ZSWIM4: variants seen among roughly 807,000 people sequenced by gnomAD.
ZSWIM4 encodes the protein zinc finger SWIM domain-containing protein 4.
ZSWIM4 carries 62 observed loss-of-function variants against 102.5 expected under a neutral mutation model. That is an observed-to-expected ratio of 0.60 (90% CI 0.49 to 0.75). The LOEUF (loss-of-function observed/expected upper bound fraction) is 0.75, where lower values mean the gene tolerates loss of function less well. Ranked by LOEUF, ZSWIM4 falls within the 30% of genes least tolerant of loss-of-function variation. The probability of loss-of-function intolerance (pLI) is 0.00; values close to 1 mark genes in which losing one functional copy is unlikely to be tolerated. For synonymous variants in ZSWIM4, 652 were observed against 674.5 expected, an observed-to-expected ratio of 0.97 and a Z score of 0.52; for missense variants, 1,280 against 1,529.6, an observed-to-expected ratio of 0.84 and a Z score of 2.72.
At chr19:13,824,734 AAATAATAATAATAATAATAATAAT>A (rs59668197) in intron 11 of ZSWIM4, among the ~76,000 whole-genome samples, 1 of 146,762 alleles carries the variant, frequency 6.8e-6, no homozygotes, top group Non-Finnish European at 1.5e-5. Context: ...CTCCATCTCA[AAATAATAATAATAATAATAATAAT>A]AATAATAATA....
intron 13 of ZSWIM4, among the ~76,000 whole-genome samples, chr19:13,829,450 A>G (rs1332965095): frequency 1.3e-5 from 2 of 151,806 alleles, no homozygotes; most frequent in Non-Finnish European, 2.9e-5. Flanking sequence ...AATTAGCCAG[A>G]TGTGGTGGCA....
intron 2 of ZSWIM4, among the ~76,000 whole-genome samples, chr19:13,802,752 A>G (rs2145264699): frequency 6.6e-6 from 1 of 152,006 alleles, no homozygotes; most frequent in South Asian, 2.1e-4. Flanking sequence ...CTAGTTTTTA[A>G]GTTTTTTGTA....
Position 13,814,481 on chromosome 19 carries a change from C to T in ZSWIM4, c.1181-34C>T, listed in dbSNP as rs1282640175. The T allele has an allele frequency of 1.4e-5, 16 of 1,115,362 alleles. No individual in the cohort carries two copies. In the East Asian group the frequency reaches 1.1e-3, roughly 77 times the overall value. The allele number at this position is 1,115,362 out of a possible 1,614,324, so 69.1% of individuals were successfully genotyped here. On this transcript the variant is annotated intron_variant, in intron 6 of 13. Transcript: ENST00000590508. ...ACGGCTCAACTGCTATAGGGACCCC[C>T]CCTCACTGAGCCATGTTGGGTGCCT...
intron 12 of ZSWIM4, among the ~76,000 whole-genome samples, chr19:13,827,299 A>G (rs1185255263): frequency 3.3e-5 from 5 of 151,682 alleles, no homozygotes; most frequent in African/African-American, 1.2e-4. Flanking sequence ...AAAAGAAAAA[A>G]ATAGAAAAGA....
At chr19:13,812,880 T>C in intron 5 of ZSWIM4, 117 bp from the exon 6 acceptor site, 1 of 1,178,208 alleles carries the variant, frequency 8.5e-7, no homozygotes, top group South Asian at 1.5e-5. Context: ...AGTTGCAACT[T>C]CCGAGGGTCG....
chr19:13,802,197 C>T (rs1353176277), intron 2 of ZSWIM4, among the ~76,000 whole-genome samples: 2 of 141,048 alleles, frequency 1.4e-5, no homozygotes, highest in African/African-American at 2.6e-5. Flanking sequence ...AGGATAGTCT[C>T]GATCTCCTGA....
chr19:13,812,951 C>A, intron 5 of ZSWIM4, 46 bp from the exon 6 acceptor site: 5 of 1,557,552 alleles, frequency 3.2e-6, no homozygotes, highest in Non-Finnish European at 3.5e-6. Flanking sequence ...GTGTGTGTTG[C>A]TGCCACTGTT....
rs1402193207 is a variant in ZSWIM4, at chr19:13,809,019, A to G, written c.861+35A>G. The G allele has an allele frequency of 1.9e-6, 3 of 1,607,438 alleles. No individual in the cohort carries two copies. The highest frequency in any genetic ancestry group is 2.6e-6 in the Non-Finnish European group (3 of 1,175,298). On this transcript the variant is annotated intron_variant, in intron 4 of 13. Transcript: ENST00000590508. This position sits in a 1 kb window ranked among gnomAD's most constrained non-coding sequence, Gnocchi z 4.2. ...GGGCCGGCGGGGCGCGGGGTGCAGA[A>G]GGCCCCGGCGGACGCCCCAGCCCTT...
Position 13,805,895 on chromosome 19 carries a change from C to G in ZSWIM4, c.712+747C>G, listed in dbSNP as rs548936326. Among the ~76,000 whole-genome samples, 46 of 149,216 alleles carry G rather than the reference C, an allele frequency of 3.1e-4. No homozygotes were observed. In the South Asian group the frequency reaches 9.6e-3, roughly 31 times the overall value. On this transcript the variant is annotated intron_variant, in intron 3 of 13. Transcript: ENST00000590508. ...CTGAGGTGGGAGAATGGGTTGAACC[C>G]GGGAGGCAGAGGTTGCAGTGAGCTG...
chr19:13,823,519 C>T lies in ZSWIM4; in HGVS notation c.2215+19C>T, dbSNP rs1435793505. On this transcript the variant is annotated intron_variant, in intron 11 of 13. Transcript: ENST00000590508. ...GCCAAGGGTGAGGCTGGCAGCTGTC[C>T]CGATTCCTTTGTCTTCCTCCTCTGT... 18 of 1,554,396 alleles carry T rather than the reference C, an allele frequency of 1.2e-5. No individual in the cohort carries two copies. Among genetic ancestry groups the T allele is most frequent in the Middle Eastern group, 1.7e-4 (1 of 6,004 alleles).
chr19:13,818,050 G>A, intron 9 of ZSWIM4, 74 bp downstream of exon 9: 1 of 1,423,432 alleles, frequency 7.0e-7, no homozygotes, highest in Non-Finnish European at 9.2e-7. Flanking sequence ...CGGCCCGGTT[G>A]CTGCCAGATG....
At position 13,799,759 on chromosome 19, in the gene ZSWIM4, A is replaced by C; in HGVS notation, c.193A>C (p.Lys65Gln). Residue 65 changes from lysine (K) to glutamine (Q), a missense_variant, in exon 2 of 14, where the codon AAG becomes CAG. Lys to Gln is a moderately conservative substitution (Grantham distance 53). Transcript: ENST00000590508. ...CTCCCGGGTGCCTGAGCCCGTCCAG[A>C]AGCGCATCGTGTTTTGGTCGTTTCC... is the stretch of plus-strand genomic sequence containing the variant. The part of the protein sequence containing the change: ...RFSRVPEPVQ[K>Q]RIVFWSFPRS... 1 of 1,613,970 alleles carries C rather than the reference A, an allele frequency of 6.2e-7. No homozygotes were observed.
At chr19:13,823,589 C>A in intron 11 of ZSWIM4, 89 bp downstream of exon 11, 1 of 1,453,856 alleles carries the variant, frequency 6.9e-7, no homozygotes, top group Non-Finnish European at 9.3e-7. Flanking sequence ...CTCCTCTTAT[C>A]CTTTCACAAA....
intron 10 of ZSWIM4, among the ~76,000 whole-genome samples, chr19:13,822,851 C>A (rs562407700): frequency 1.3e-5 from 2 of 152,156 alleles, no homozygotes; most frequent in Admixed American, 1.3e-4. Context: ...TGGTAGTACA[C>A]GCCTGTAATC....
At chr19:13,826,764 T>C (rs1013887110) in intron 12 of ZSWIM4, among the ~76,000 whole-genome samples, 1 of 151,380 alleles carries the variant, frequency 6.6e-6, no homozygotes, top group Non-Finnish European at 1.5e-5. Context: ...GACTCCGTCT[T>C]GGGGAAGAAA....
rs770290475 is a variant in ZSWIM4 at position 13,814,834 on chromosome 19, T to G, written c.1500T>G (p.His500Gln). ...ACACACTCCGGCTGCAGCAGCGGCATCAGCTAGAGAGCTACAAGCAGCAGA... is the reference window on the plus strand; with the variant it reads ...ACACACTCCGGCTGCAGCAGCGGCAGCAGCTAGAGAGCTACAAGCAGCAGA... ...IINTLRLQQR[H>Q]QLESYKQQKK... Residue 500 changes from histidine to glutamine, a missense_variant, in exon 7 of 14, where the codon CAT (histidine) becomes CAG (glutamine). Coordinates refer to ENST00000590508, the MANE Select transcript of ZSWIM4 (RefSeq NM_001367834.3). 3 of 1,267,618 alleles carry G rather than the reference T, an allele frequency of 2.4e-6. No homozygotes were observed. Among genetic ancestry groups the G allele is most frequent in the Non-Finnish European group, 3.1e-6 (3 of 971,534 alleles). 78.5% of individuals were successfully genotyped at this position (1,267,618 alleles called of 1,614,324 possible). A position where few individuals can be genotyped will look rare whatever the true frequency, so the allele number is the denominator to read the frequency against.
rs184009299 is a variant in ZSWIM4 at position 13,817,555 on chromosome 19, G to T, written c.1670-167G>T. Reference sequence around the variant, plus strand: ...TGAGGCCACCATAGGCCTAGCTGCTGCTAGAAGGTGGGGCTCCCGCGCTCC... The same window carrying T: ...TGAGGCCACCATAGGCCTAGCTGCTTCTAGAAGGTGGGGCTCCCGCGCTCC... On this transcript the variant is annotated intron_variant, in intron 8 of 13. Coordinates refer to ENST00000590508, the MANE Select transcript of ZSWIM4 (RefSeq NM_001367834.3). 392 of 1,056,312 alleles carry T rather than the reference G, an allele frequency of 3.7e-4. No homozygotes were observed. The Middle Eastern group carries it at 8.1e-3, about 22-fold the overall frequency. The allele number at this position is 1,056,312 out of a possible 1,614,324, so 65.4% of individuals were successfully genotyped here.
intron 3 of ZSWIM4, among the ~76,000 whole-genome samples, chr19:13,807,275 G>A (rs116357156): frequency 0.018 from 2,727 of 151,994 alleles, 75 homozygotes; most frequent in African/African-American, 0.063. Flanking sequence ...CCCATGATGG[G>A]GTAGGTGGTT....
At chr19:13,818,097 C>T in intron 9 of ZSWIM4, 121 bp downstream of exon 9, 5 of 1,398,716 alleles carry the variant, frequency 3.6e-6, no homozygotes, top group Non-Finnish European at 4.6e-6. Context: ...AGCCCCGCCT[C>T]CTGGTGATAC....
Sources: gnomAD v4.1 joint callset for allele counts (sites outside exome capture counted in the v4.1 genomes callset) on GRCh38, gnomAD v4.1.1 for gene constraint, Gnocchi (gnomAD v3.1) non-coding constraint, MANE v1.5 for transcripts, NCBI Gene and HGNC (gene_info 2026-07-23, HGNC 2026-07-21) for gene names.